Variants in NOL4L observed in about 807,000 individuals in gnomAD.
NOL4L encodes nucleolar protein 4 like.
A neutral mutation model predicts 64.5 loss-of-function variants in NOL4L; 7 were observed. That is an observed-to-expected ratio of 0.11 (90% CI 0.06 to 0.20). NOL4L has a LOEUF of 0.20. NOL4L is among the 10% of genes least tolerant of loss of function. The pLI, the probability that NOL4L is intolerant of heterozygous loss-of-function variation, is 1.00. For missense variants in NOL4L, 680 were observed against 967.1 expected, an observed-to-expected ratio of 0.70 and a Z score of 3.94; for synonymous variants, 413 against 401.0, an observed-to-expected ratio of 1.03 and a Z score of -0.36.
At chr20:32,517,272 GT>G (rs2017711437) in intron 3 of NOL4L, among the ~76,000 whole-genome samples, 1 of 152,222 alleles carries the variant, frequency 6.6e-6, no homozygotes, top group Non-Finnish European at 1.5e-5. Context: ...CCTCCATCCT[GT>G]CCCCTGTCCC....
chr20:32,485,071 AAAAAAAAAAAAAAAAAC>A (rs2016009641), intron 4 of NOL4L, among the ~76,000 whole-genome samples: 1 of 146,332 alleles, frequency 6.8e-6, no homozygotes, highest in Non-Finnish European at 1.5e-5. Context: ...AAAAAAAAAA[AAAAAAAAAAAAAAAAAC>A]AACTAAAAAA....
At chr20:32,483,930 G>C (rs2015923136) in intron 4 of NOL4L, among the ~76,000 whole-genome samples, 1 of 150,910 alleles carries the variant, frequency 6.6e-6, no homozygotes, top group African/African-American at 2.4e-5. Flanking sequence ...GCGCTCTTAA[G>C]GGGGAAGCGC....
At position 32,563,301 on chromosome 20, in the gene NOL4L, G is replaced by T. The variant is rs371594151; in HGVS notation, c.321+21269C>A. ...CTCGGGAGGGAGAGTGGGGAGGGAG[G>T]GTAGAGAACAGGGAGGGTGAAGGGG... On this transcript the variant is annotated intron_variant, in intron 1 of 10. Coordinates refer to ENST00000621426, the MANE Select transcript of NOL4L (RefSeq NM_001256798.2). Among the ~76,000 whole-genome samples, 4 of 136,020 alleles carry T rather than the reference G, an allele frequency of 2.9e-5. No individual in the cohort carries two copies. In the East Asian group the frequency reaches 8.9e-4, roughly 30 times the overall value. 89.2% of individuals were successfully genotyped at this position (136,020 alleles called of 152,430 possible). A position where few individuals can be genotyped will look rare whatever the true frequency, so the allele number is the denominator to read the frequency against.
Position 32,447,300 on chromosome 20 carries a change from C to G in NOL4L, c.*296G>C, listed in dbSNP as rs766673725. Reference sequence around the variant, plus strand: ...CAGGGTCCACGAAGGTGATTCTAAACAGAGCTGCAGCCCCAGCGCCTTGTC... The same window carrying G: ...CAGGGTCCACGAAGGTGATTCTAAAGAGAGCTGCAGCCCCAGCGCCTTGTC... On this transcript the variant is annotated 3_prime_UTR_variant, in exon 11 of 11. Transcript: ENST00000621426. 2.0e-5 allele frequency: 12 copies of G among 595,942 alleles called. No individual in the cohort carries two copies. The Admixed American group carries it at 2.2e-4, about 11-fold the overall frequency. The allele number at this position is 595,942 out of a possible 1,614,324, so 36.9% of individuals were successfully genotyped here.
intron 1 of NOL4L, chr20:32,561,272 G>A (rs1412322198): frequency 6.6e-6 from 1 of 152,272 alleles, no homozygotes; most frequent in Non-Finnish European, 1.5e-5. Context: ...AGGTAGGTGG[G>A]TGCCGGGAGG....
chr20:32,552,327 G>A (rs1264871602), intron 1 of NOL4L, among the ~76,000 whole-genome samples: 1 of 152,128 alleles, frequency 6.6e-6, no homozygotes, highest in East Asian at 1.9e-4. Context: ...CTGGCAGGCA[G>A]GGCCAGAAAG....
intron 3 of NOL4L, among the ~76,000 whole-genome samples, chr20:32,514,351 G>A (rs769291731): frequency 2.0e-5 from 3 of 152,130 alleles, no homozygotes; most frequent in Non-Finnish European, 4.4e-5. Flanking sequence ...AATTAGCTGG[G>A]CATGGTGGCG....
At chr20:32,465,171 C>T (rs533274211) in intron 5 of NOL4L, 1 of 473,560 alleles carries the variant, frequency 2.1e-6, no homozygotes, top group South Asian at 3.9e-5. Flanking sequence ...AATTATGCGT[C>T]AGGTCCCGAG....
intron 1 of NOL4L, among the ~76,000 whole-genome samples, chr20:32,560,575 CA>C (rs1282962472): frequency 3.3e-5 from 5 of 152,220 alleles, no homozygotes; most frequent in Admixed American, 3.3e-4. Flanking sequence ...GTGCCTAAGG[CA>C]TTACCTATAT....
At chr20:32,564,208 AAG>A (rs1979276779) in intron 1 of NOL4L, among the ~76,000 whole-genome samples, 1 of 152,202 alleles carries the variant, frequency 6.6e-6, no homozygotes, top group Non-Finnish European at 1.5e-5. Flanking sequence ...GGAAGGCCAG[AAG>A]AGACCATTAA....
chr20:32,580,900 C>T (rs990045690), intron 1 of NOL4L, among the ~76,000 whole-genome samples: 6 of 152,194 alleles, frequency 3.9e-5, no homozygotes, highest in African/African-American at 7.2e-5. Context: ...GACGGCTCCA[C>T]GCGCTCCACT....
intron 4 of NOL4L, chr20:32,509,911 G>A (rs1206991315): frequency 6.1e-6 from 8 of 1,304,130 alleles, no homozygotes; most frequent in Non-Finnish European, 8.1e-6. Context: ...CAGTGTTTAC[G>A]AAGCCAGGTG....
At chr20:32,519,520 A>G (rs2017832281) in intron 3 of NOL4L, 1 of 152,220 alleles carries the variant, frequency 6.6e-6, no homozygotes, top group Admixed American at 6.5e-5. Context: ...AGCTGGCATG[A>G]TGCACCAGGC....
At chr20:32,532,624 CT>C (rs1396468079) in intron 1 of NOL4L, among the ~76,000 whole-genome samples, 3 of 152,220 alleles carry the variant, frequency 2.0e-5, no homozygotes, top group Non-Finnish European at 1.5e-5. Context: ...TGGGAAGCCC[CT>C]GCCATCCCCC....
intron 5 of NOL4L, among the ~76,000 whole-genome samples, chr20:32,468,155 T>G (rs2014709367): frequency 6.6e-6 from 1 of 151,988 alleles, no homozygotes; most frequent in South Asian, 2.1e-4. Context: ...AAGACCATAC[T>G]TCGGGGAAGG....
intron 4 of NOL4L, among the ~76,000 whole-genome samples, chr20:32,494,028 G>A (rs1472220242): frequency 6.6e-6 from 1 of 152,066 alleles, no homozygotes; most frequent in Non-Finnish European, 1.5e-5. Flanking sequence ...CAAGGCAGGT[G>A]GATCACCTGA....
At chr20:32,471,665 T>C (rs1470356336) in intron 5 of NOL4L, among the ~76,000 whole-genome samples, 1 of 151,988 alleles carries the variant, frequency 6.6e-6, no homozygotes, top group Admixed American at 6.5e-5. Flanking sequence ...CATGGTGAAA[T>C]GTGTCCTCCA....
intron 1 of NOL4L, among the ~76,000 whole-genome samples, chr20:32,528,878 A>G (rs2018242120): frequency 6.6e-6 from 1 of 152,240 alleles, no homozygotes; most frequent in Non-Finnish European, 1.5e-5. Context: ...AGAGCAAGCC[A>G]TATGGAGGGA....
chr20:32,553,159 A>G (rs937171928), intron 1 of NOL4L, among the ~76,000 whole-genome samples: 1 of 152,112 alleles, frequency 6.6e-6, no homozygotes, highest in Non-Finnish European at 1.5e-5. Context: ...ACAGGCCTAG[A>G]ATCGGCTCAC....
Sources: allele counts gnomAD v4.1 joint callset (sites outside exome capture counted in the v4.1 genomes callset), GRCh38; gene constraint gnomAD v4.1.1; transcripts MANE v1.5; gene names NCBI Gene and HGNC (gene_info 2026-07-23, HGNC 2026-07-21).